The following RORA variants were observed in gnomAD, a reference collection of about 807,000 sequenced individuals.
The protein encoded by RORA is RAR related orphan receptor A, also known as nuclear receptor ROR-alpha.
RORA carries 7 observed loss-of-function variants against 69.5 expected under a neutral mutation model. That is an observed-to-expected ratio of 0.10 (90% confidence interval 0.06 to 0.19). RORA has a LOEUF of 0.19. RORA is among the 10% of genes least tolerant of loss of function. The probability of loss-of-function intolerance (pLI) is 1.00; values close to 1 mark genes in which losing one functional copy is unlikely to be tolerated. For missense variants in RORA, 457 were observed against 663.0 expected, an observed-to-expected ratio of 0.69 and a Z score of 3.41; for synonymous variants, 261 against 240.8, an observed-to-expected ratio of 1.08 and a Z score of -0.78.
At chr15:60,681,927 C>A (rs2070647924) in intron 1 of RORA, 1 of 152,100 alleles carries the variant, frequency 6.6e-6, no homozygotes, top group Non-Finnish European at 1.5e-5. Flanking sequence ...AGATAAACTA[C>A]AATAAGTCTC....
At chr15:60,874,379 T>G (rs1488727324) in intron 1 of RORA, among the ~76,000 whole-genome samples, 1 of 152,216 alleles carries the variant, frequency 6.6e-6, no homozygotes, top group East Asian at 1.9e-4. Context: ...AGAATAAACT[T>G]TCCAACTTTG....
At chr15:60,897,714 C>T (rs1891267520) in intron 1 of RORA, among the ~76,000 whole-genome samples, 1 of 152,240 alleles carries the variant, frequency 6.6e-6, no homozygotes, top group Non-Finnish European at 1.5e-5. Context: ...TGAAATTGCA[C>T]TTCCCTCAAA....
intron 1 of RORA, among the ~76,000 whole-genome samples, chr15:60,795,045 T>G (rs2072473856): frequency 6.6e-6 from 1 of 152,186 alleles, no homozygotes; most frequent in African/African-American, 2.4e-5. Flanking sequence ...TCAAGAAACC[T>G]ACCATAAGCA....
At chr15:60,597,636 A>C (rs1202071661) in intron 2 of RORA, among the ~76,000 whole-genome samples, 1 of 80,214 alleles carries the variant, frequency 1.2e-5, no homozygotes, top group African/African-American at 5.2e-5. Flanking sequence ...ATATATACAT[A>C]TATATATATA....
intron 1 of RORA, among the ~76,000 whole-genome samples, chr15:61,192,809 T>G (rs753745425): frequency 5.9e-5 from 9 of 152,200 alleles, no homozygotes; most frequent in Non-Finnish European, 8.8e-5. Flanking sequence ...AGAGTTCCAG[T>G]GAGACCCTTA....
At chr15:60,968,143 A>G (rs1421918126) in intron 1 of RORA, among the ~76,000 whole-genome samples, 1 of 152,180 alleles carries the variant, frequency 6.6e-6, no homozygotes, top group Non-Finnish European at 1.5e-5. Context: ...CTTTGGACTA[A>G]CCCTGGTTGG....
intron 1 of RORA, among the ~76,000 whole-genome samples, chr15:61,145,463 C>G (rs951861599): frequency 3.3e-5 from 5 of 152,216 alleles, no homozygotes; most frequent in African/African-American, 1.2e-4. Context: ...CGATAACATG[C>G]TCCTACCTCC....
intron 1 of RORA, among the ~76,000 whole-genome samples, chr15:60,925,092 TTAATAAAATA>T (rs1369267850): frequency 1.9e-5 from 2 of 106,782 alleles, no homozygotes; most frequent in Non-Finnish European, 4.0e-5. Context: ...AATAAATAAA[TTAATAAAATA>T]AAATAAAATA....
At chr15:61,107,538 G>C (rs1349479900) in intron 1 of RORA, among the ~76,000 whole-genome samples, 1 of 151,980 alleles carries the variant, frequency 6.6e-6, no homozygotes, top group Non-Finnish European at 1.5e-5. Context: ...GTTTAAAATA[G>C]ATCTTCAAAG....
chr15:61,188,816 G>C (rs2079769583), intron 1 of RORA, among the ~76,000 whole-genome samples: 2 of 152,134 alleles, frequency 1.3e-5, no homozygotes. Context: ...TGTTTCCTAA[G>C]AGATTCCCTC....
At chr15:60,540,564 A>AAC (rs760302878) in intron 2 of RORA, among the ~76,000 whole-genome samples, 2 of 46,048 alleles carry the variant, frequency 4.3e-5, no homozygotes, top group Non-Finnish European at 5.5e-5. Context: ...AATTTCCATG[A>AAC]CCCCCCCCCC....
intron 1 of RORA, among the ~76,000 whole-genome samples, chr15:60,959,950 G>C (rs182275625): frequency 9.2e-5 from 14 of 152,106 alleles, no homozygotes; most frequent in African/African-American, 3.4e-4. Context: ...AAGGGTGCGG[G>C]CTTGCCATGC....
intron 1 of RORA, among the ~76,000 whole-genome samples, chr15:60,987,648 C>T (rs573526332): frequency 6.6e-6 from 1 of 152,256 alleles, no homozygotes; most frequent in East Asian, 1.9e-4. Context: ...TCATCGTCTC[C>T]CCAGACATTC....
At chr15:60,819,769 A>ACACACACACACACG (rs1555455782) in intron 1 of RORA, among the ~76,000 whole-genome samples, 4 of 150,044 alleles carry the variant, frequency 2.7e-5, no homozygotes, top group African/African-American at 9.8e-5. Context: ...ACACACACAC[A>ACACACACACACACG]CACACACACA....
intron 2 of RORA, among the ~76,000 whole-genome samples, chr15:60,556,255 A>G (rs1050056178): frequency 3.9e-5 from 6 of 152,128 alleles, no homozygotes; most frequent in African/African-American, 1.4e-4. Flanking sequence ...TAAACCCACA[A>G]CTGTGGACAA....
At chr15:61,057,815 T>C (rs2078116351) in intron 1 of RORA, among the ~76,000 whole-genome samples, 1 of 152,182 alleles carries the variant, frequency 6.6e-6, no homozygotes, top group Admixed American at 6.5e-5. Flanking sequence ...TCTAAGTAGA[T>C]GGCTTGAAAC....
intron 1 of RORA, among the ~76,000 whole-genome samples, chr15:60,867,365 C>T (rs191712247): frequency 2.1e-3 from 316 of 152,200 alleles, no homozygotes; most frequent in Non-Finnish European, 3.8e-3. Context: ...GAGCCCTTAA[C>T]TGTGGGATCT....
chr15:61,069,375 G>C (rs1215102204), intron 1 of RORA, among the ~76,000 whole-genome samples: 2 of 152,172 alleles, frequency 1.3e-5, no homozygotes, highest in Non-Finnish European at 2.9e-5. Flanking sequence ...TAAACAGGGA[G>C]CTATGCCATC....
intron 1 of RORA, among the ~76,000 whole-genome samples, chr15:60,838,002 A>T (rs926557183): frequency 4.6e-5 from 7 of 152,258 alleles, no homozygotes; most frequent in Non-Finnish European, 2.9e-5. Flanking sequence ...AGAAATGAAC[A>T]ACCCGGCTCT....
Sources: allele counts gnomAD v4.1 joint callset (sites outside exome capture counted in the v4.1 genomes callset), GRCh38; gene constraint gnomAD v4.1.1; transcripts MANE v1.5; gene names NCBI Gene and HGNC (gene_info 2026-07-23, HGNC 2026-07-21).